Variants in GNG7 observed in about 807,000 individuals in gnomAD.
The protein encoded by GNG7 is G protein subunit gamma 7.
In GNG7, 1 loss-of-function variant was observed where a neutral mutation model predicts 4.0. The ratio of observed to expected loss-of-function variants is 0.25; its 90% CI spans 0.09 to 1.18. The LOEUF (loss-of-function observed/expected upper bound fraction) is 1.18. Among genes scored for constraint, GNG7 ranks in the 50% most tolerant of loss-of-function variants. GNG7 has a pLI of 0.50. For synonymous variants in GNG7, 34 were observed against 36.9 expected (o/e 0.92, Z 0.29); for missense variants, 86 against 91.9 (o/e 0.94, Z 0.26).
chr19:2,599,196 T>C (rs1981126162), intron 2 of GNG7, among the ~76,000 whole-genome samples: 1 of 152,310 alleles, frequency 6.6e-6, no homozygotes, highest in African/African-American at 2.4e-5. Context: ...AGCCCCAGCC[T>C]GCCTGCTTTG....
chr19:2,558,255 T>A (rs1979629742), intron 2 of GNG7, among the ~76,000 whole-genome samples: 1 of 143,702 alleles, frequency 7.0e-6, no homozygotes. Context: ...TTTTTGTTTT[T>A]TTTTTGAGAT....
At position 2,558,234 on chromosome 19, in the gene GNG7, TTTTG is replaced by T. The variant is rs1246664454; in HGVS notation, c.-77-3050_-77-3047del. On this transcript the variant is annotated intron_variant, in intron 2 of 4. Coordinates refer to ENST00000382159, the MANE Select transcript of GNG7 (RefSeq NM_052847.3). ...CTTGCCACAGATGGGCACCGTGTTT[TTTTG>T]TTTTTGTTTTTGTTTTTTTTTTGAG... 5.8e-5 allele frequency among the ~76,000 whole-genome samples: 3 copies of T among 51,802 alleles called. No homozygotes were observed. In the East Asian group the frequency reaches 1.1e-3, roughly 19 times the overall value. The allele number at this position is 51,802 out of a possible 152,430, so 34.0% of individuals were successfully genotyped here. A position where few individuals can be genotyped will look rare whatever the true frequency, so the allele number is the denominator to read the frequency against.
At chr19:2,639,976 GA>G (rs1982454553) in intron 2 of GNG7, among the ~76,000 whole-genome samples, 1 of 70,664 alleles carries the variant, frequency 1.4e-5, no homozygotes, top group African/African-American at 5.9e-5. Context: ...AAGGAGGGGG[GA>G]GGGAGGGAAG....
rs1245272985 is a variant in GNG7, at chr19:2,634,571, GC to G, written c.-78+11652del. On this transcript the variant is annotated intron_variant, in intron 2 of 4. Transcript: ENST00000382159. The surrounding 1 kb of genome is among the most constrained non-coding windows in gnomAD (Gnocchi z 5.3). ...GCAGAGCCCCTGATTTCGGCACAGC[GC>G]CCCGTAATTACTTGCGGGCTGCACA... Among the ~76,000 whole-genome samples, 2 of 152,082 alleles carry G rather than the reference GC, an allele frequency of 1.3e-5. No individual in the cohort carries two copies. Among genetic ancestry groups the G allele is most frequent in the South Asian group, 4.1e-4 (2 of 4,824 alleles).
At chr19:2,581,998 C>A (rs1214815535) in intron 2 of GNG7, among the ~76,000 whole-genome samples, 2 of 151,996 alleles carry the variant, frequency 1.3e-5, no homozygotes, top group Admixed American at 1.3e-4. Context: ...GAAGTCATCA[C>A]CAAAGTGAAA....
chr19:2,648,482 G>T (rs1982725997), intron 1 of GNG7, among the ~76,000 whole-genome samples: 1 of 152,116 alleles, frequency 6.6e-6, no homozygotes, highest in South Asian at 2.1e-4. Flanking sequence ...GAAATCTCTG[G>T]ATTTCTTTGC....
chr19:2,565,698 T>C (rs1979884610), intron 2 of GNG7, among the ~76,000 whole-genome samples: 1 of 151,964 alleles, frequency 6.6e-6, no homozygotes, highest in South Asian at 2.1e-4. Flanking sequence ...TTGAGTGGTC[T>C]GGGGTGTGCC....
chr19:2,614,980 C>A lies in GNG7; in HGVS notation c.-78+31244G>T, dbSNP rs185499910. On this transcript the variant is annotated intron_variant, in intron 2 of 4. Coordinates refer to ENST00000382159, the MANE Select transcript of GNG7 (RefSeq NM_052847.3). This position sits in a 1 kb window ranked among gnomAD's most constrained non-coding sequence, Gnocchi z 6.0. ...AGGCAGGCAGCTGATTGTTGAAGGT[C>A]ACCCCGTAGCCATTGGCAGAGCCAG... Among the ~76,000 whole-genome samples the A allele has an allele frequency of 6.6e-4, 101 of 152,300 alleles. No homozygotes were observed. Among genetic ancestry groups the A allele is most frequent in the Middle Eastern group, 6.8e-3 (2 of 294 alleles).
chr19:2,642,179 C>A (rs571109132), intron 2 of GNG7: 3 of 160,848 alleles, frequency 1.9e-5, no homozygotes, highest in Admixed American at 5.6e-5. Flanking sequence ...CTCACAGACC[C>A]CCACCATGGG....
At chr19:2,539,190 G>A (rs1012823108) in intron 3 of GNG7, among the ~76,000 whole-genome samples, 8 of 152,072 alleles carry the variant, frequency 5.3e-5, no homozygotes, top group East Asian at 1.9e-4. Context: ...TATAAACTGC[G>A]TTGCAAAGCA....
At chr19:2,515,950 C>A (rs1220645286) in intron 4 of GNG7, among the ~76,000 whole-genome samples, 1 of 151,772 alleles carries the variant, frequency 6.6e-6, no homozygotes, top group Non-Finnish European at 1.5e-5. Context: ...TGCGGTGGCT[C>A]ACACCTGTAA....
intron 2 of GNG7, among the ~76,000 whole-genome samples, chr19:2,628,343 T>TGA (rs1982070417): frequency 6.6e-6 from 1 of 152,178 alleles, no homozygotes; most frequent in Non-Finnish European, 1.5e-5. Context: ...GCTCTAGGAA[T>TGA]GAGGTCCCTG....
Position 2,514,968 on chromosome 19 carries a change from CAGAGAGAGAGAG to C in GNG7, c.*42_*53del, listed in dbSNP as rs34865250. ...GCCCTGCCTGAGACAGAGACAGAGA[CAGAGAGAGAGAG>C]AGAGAAAGAGAGAGAGAGAGAGAGA... On this transcript the variant is annotated 3_prime_UTR_variant, in exon 5 of 5. Coordinates refer to ENST00000382159, the MANE Select transcript of GNG7 (RefSeq NM_052847.3). 9 of 1,238,746 alleles carry C rather than the reference CAGAGAGAGAGAG, an allele frequency of 7.3e-6. No homozygotes were observed. The highest frequency in any genetic ancestry group is 1.9e-5 in the Admixed American group (1 of 53,298). The allele number at this position is 1,238,746 out of a possible 1,614,324, so 76.7% of individuals were successfully genotyped here. A position where few individuals can be genotyped will look rare whatever the true frequency, so the allele number is the denominator to read the frequency against.
intron 4 of GNG7, 66 bp from the exon 5 acceptor site, chr19:2,515,213 G>T (rs1972716695): frequency 1.3e-6 from 2 of 1,596,124 alleles, no homozygotes; most frequent in Non-Finnish European, 8.5e-7. Context: ...CGGGTTCACA[G>T]CAGCACCATT....
intron 2 of GNG7, among the ~76,000 whole-genome samples, chr19:2,628,368 G>A (rs1982071168): frequency 6.6e-6 from 1 of 152,146 alleles, no homozygotes; most frequent in Non-Finnish European, 1.5e-5. Context: ...CCTACTGGCT[G>A]TTGGATGTGA....
At position 2,564,620 on chromosome 19, in the gene GNG7, G is replaced by A. The variant is rs534141050; in HGVS notation, c.-77-9432C>T. Among the ~76,000 whole-genome samples the A allele has an allele frequency of 1.6e-3, 237 of 152,210 alleles. 1 individual carries two copies. Among genetic ancestry groups the A allele is most frequent in the African/African-American group, 5.5e-3 (228 of 41,534 alleles). ...AGAAGGAGAGATTTAGAGATGCAGAGGAGAGGACATGGCTGTGTGGAGATG... is the reference window on the plus strand; with the variant it reads ...AGAAGGAGAGATTTAGAGATGCAGAAGAGAGGACATGGCTGTGTGGAGATG... On this transcript the variant is annotated intron_variant, in intron 2 of 4. Transcript: ENST00000382159.
chr19:2,564,684 C>T (rs931291862), intron 2 of GNG7, among the ~76,000 whole-genome samples: 3 of 152,062 alleles, frequency 2.0e-5, no homozygotes, highest in Non-Finnish European at 4.4e-5. Flanking sequence ...AAGCCAGACT[C>T]CTAGAGCCCC....
At chr19:2,686,236 C>T (rs1439371295) in intron 1 of GNG7, among the ~76,000 whole-genome samples, 1 of 151,880 alleles carries the variant, frequency 6.6e-6, no homozygotes, top group Non-Finnish European at 1.5e-5. Flanking sequence ...CAGCTCACTG[C>T]AACCTCCGCC....
At chr19:2,527,367 C>T (rs949120521) in intron 3 of GNG7, among the ~76,000 whole-genome samples, 2 of 152,148 alleles carry the variant, frequency 1.3e-5, no homozygotes, top group African/African-American at 2.4e-5. Flanking sequence ...GTTTTGGTGT[C>T]GCGCATCCCT....
Sources: gnomAD v4.1 joint callset for allele counts (sites outside exome capture counted in the v4.1 genomes callset) on GRCh38, gnomAD v4.1.1 for gene constraint, Gnocchi (gnomAD v3.1) non-coding constraint, MANE v1.5 for transcripts, NCBI Gene and HGNC (gene_info 2026-07-23, HGNC 2026-07-21) for gene names.